EML5: variants seen among roughly 807,000 people sequenced by gnomAD.
EML5 encodes the protein echinoderm microtubule-associated protein-like 5.
EML5 carries 120 observed loss-of-function variants against 250.0 expected under a neutral mutation model. The ratio of observed to expected loss-of-function variants is 0.48; its 90% CI spans 0.41 to 0.56. The LOEUF (loss-of-function observed/expected upper bound fraction) is 0.56. EML5 is among the 20% of genes least tolerant of loss of function. The pLI, the probability that EML5 is intolerant of heterozygous loss-of-function variation, is 0.00. For missense variants in EML5, 2,006 were observed against 2,437.6 expected (o/e 0.82, Z 3.73); for synonymous variants, 771 against 806.5 (o/e 0.96, Z 0.75).
chr14:88,703,184 T>C lies in EML5; in HGVS notation c.2052-552A>G, dbSNP rs117454992. 7.2e-5 allele frequency among the ~76,000 whole-genome samples: 11 copies of C among 152,328 alleles called. 1 individual carries two copies. In the East Asian group the frequency reaches 2.1e-3, roughly 29 times the overall value. ...AATAGTATGTATAGTATACTACCAT[T>C]TACATAAGTATAATATTAAAATTGT... is the stretch of plus-strand genomic sequence containing the variant. On this transcript the variant is annotated intron_variant, in intron 13 of 43. Transcript: ENST00000554922.
chr14:88,730,698 T>C (rs1839045892), intron 7 of EML5, among the ~76,000 whole-genome samples: 1 of 152,236 alleles, frequency 6.6e-6, no homozygotes, highest in South Asian at 2.1e-4. Flanking sequence ...AATTTGCTTT[T>C]ATGAATAGTC....
chr14:88,670,182 G>T (rs2092420579), intron 21 of EML5, among the ~76,000 whole-genome samples: 1 of 151,536 alleles, frequency 6.6e-6, no homozygotes, highest in South Asian at 2.1e-4. Flanking sequence ...TTAGCTGGGT[G>T]TGGTAGCAGG....
At chr14:88,638,508 T>C (rs1230487027) in intron 32 of EML5, among the ~76,000 whole-genome samples, 1 of 152,240 alleles carries the variant, frequency 6.6e-6, no homozygotes, top group Non-Finnish European at 1.5e-5. Context: ...TTATATGCTA[T>C]TGACTTAAAC....
At position 88,625,107 on chromosome 14, in the gene EML5, A is replaced by G; in HGVS notation, c.4761T>C (p.Gly1587=). The G allele has an allele frequency of 6.2e-7, 1 of 1,613,812 alleles. No individual in the cohort carries two copies. Among genetic ancestry groups the G allele is most frequent in the African/African-American group, 1.3e-5 (1 of 75,044 alleles). ...AFGANNLTFT[G]TISGDVCVWK... ...ACACACAGACATCACCACTGATGGT[A>G]CCTGTAAACGTCAAGTTATTCTGAA... Residue 1587 remains glycine (G), a synonymous_variant, in exon 36 of 44, where the codon GGT becomes GGC. Transcript: ENST00000554922.
intron 1 of EML5, among the ~76,000 whole-genome samples, chr14:88,788,896 C>T (rs1264371176): frequency 1.2e-5 from 1 of 85,948 alleles, no homozygotes; most frequent in African/African-American, 8.0e-5. Flanking sequence ...CCCATCTTTA[C>T]CGAAAAAAAA....
chr14:88,747,403 C>T (rs921307390), intron 2 of EML5, among the ~76,000 whole-genome samples: 8 of 151,844 alleles, frequency 5.3e-5, no homozygotes, highest in Non-Finnish European at 1.2e-4. Context: ...CAGAGAGAGA[C>T]TCTGTCTCAA....
intron 25 of EML5, among the ~76,000 whole-genome samples, chr14:88,659,298 G>A (rs984954467): frequency 6.6e-6 from 1 of 150,858 alleles, no homozygotes; most frequent in Non-Finnish European, 1.5e-5. Flanking sequence ...TGTAACCTCC[G>A]CCTCCTGGTT....
At chr14:88,761,901 T>G (rs1294435597) in intron 1 of EML5, among the ~76,000 whole-genome samples, 1 of 152,224 alleles carries the variant, frequency 6.6e-6, no homozygotes, top group Non-Finnish European at 1.5e-5. Context: ...TCGTATGAGA[T>G]GATATCATAC....
chr14:88,663,607 A>G (rs1390463841), intron 23 of EML5, among the ~76,000 whole-genome samples: 1 of 152,224 alleles, frequency 6.6e-6, no homozygotes, highest in African/African-American at 2.4e-5. Flanking sequence ...TCTTTATGTT[A>G]TATGATTATG....
At chr14:88,651,888 T>C (rs2091645977) in intron 27 of EML5, among the ~76,000 whole-genome samples, 4 of 152,174 alleles carry the variant, frequency 2.6e-5, no homozygotes, top group Admixed American at 2.6e-4. Flanking sequence ...ACTATCTAAA[T>C]TCTTGATTTA....
rs1307938761 is a variant in EML5 at position 88,792,854 on chromosome 14, AGCTCCCAGCCCCGGTCACCTGCGGC to A, written c.-376_-352del. On this transcript the variant is annotated 5_prime_UTR_variant, in exon 1 of 44. Transcript: ENST00000554922. This position sits in a 1 kb window ranked among gnomAD's most constrained non-coding sequence, Gnocchi z 6.9. Reference sequence around the variant, plus strand: ...CTCCTCAGCCGCCGCCCGCGCACGCAGCTCCCAGCCCCGGTCACCTGCGGCGCTCGCGCCCCGCCGCGGCTTTGTA... The same window carrying A: ...CTCCTCAGCCGCCGCCCGCGCACGCAGCTCGCGCCCCGCCGCGGCTTTGTA... 6.7e-5 allele frequency: 38 copies of A among 565,882 alleles called. No homozygotes were observed. The highest frequency in any genetic ancestry group is 8.1e-5 in the Non-Finnish European group (36 of 445,754). 35.1% of individuals were successfully genotyped at this position (565,882 alleles called of 1,614,324 possible).
chr14:88,714,546 G>A (rs960327519), intron 9 of EML5, among the ~76,000 whole-genome samples: 3 of 152,144 alleles, frequency 2.0e-5, no homozygotes, highest in East Asian at 1.9e-4. Flanking sequence ...GAACTTAAAT[G>A]TTCTCACCAC....
intron 1 of EML5, among the ~76,000 whole-genome samples, chr14:88,778,851 T>C (rs1439203617): frequency 6.6e-6 from 1 of 152,246 alleles, no homozygotes; most frequent in African/African-American, 2.4e-5. Context: ...ATCAAAGATA[T>C]TTGGGTTTTC....
At chr14:88,755,903 G>A (rs1258155216) in intron 1 of EML5, among the ~76,000 whole-genome samples, 4 of 152,144 alleles carry the variant, frequency 2.6e-5, no homozygotes, top group Non-Finnish European at 4.4e-5. Flanking sequence ...AGGGGCTGAG[G>A]TGAGAAGATC....
intron 2 of EML5, among the ~76,000 whole-genome samples, chr14:88,752,645 G>T (rs1472555910): frequency 6.6e-6 from 1 of 152,140 alleles, no homozygotes; most frequent in African/African-American, 2.4e-5. Flanking sequence ...AGAAGGTGGG[G>T]TCCCTGGCAA....
chr14:88,774,837 C>CTATA (rs940778621), intron 1 of EML5, among the ~76,000 whole-genome samples: 66 of 152,322 alleles, frequency 4.3e-4, no homozygotes, highest in African/African-American at 1.5e-3. Context: ...TATACCAGCT[C>CTATA]AGATTGCTTC....
At chr14:88,771,119 T>G (rs2094388595) in intron 1 of EML5, among the ~76,000 whole-genome samples, 1 of 152,220 alleles carries the variant, frequency 6.6e-6, no homozygotes, top group South Asian at 2.1e-4. Context: ...CAATGTTCCT[T>G]TACATTTATC....
In EML5 at chr14:88,729,880, T is replaced by G. The variant is rs2093728060; in HGVS notation, c.1050-3202A>C. On this transcript the variant is annotated intron_variant, in intron 7 of 43. Transcript: ENST00000554922. ...TCGGTCTTGTTTTTTGTTTTTTTTT[T>G]TTGTTTTTTTAATGTATTGTCTATG... is the stretch of plus-strand genomic sequence containing the variant. 4.0e-5 allele frequency among the ~76,000 whole-genome samples: 6 copies of G among 151,726 alleles called. No homozygotes were observed. In the South Asian group the frequency reaches 1.2e-3, roughly 32 times the overall value.
chr14:88,619,011 A>G (rs904202676), intron 39 of EML5, 199 bp from the exon 40 acceptor site: 3 of 429,782 alleles, frequency 7.0e-6, no homozygotes, highest in Non-Finnish European at 1.2e-5. Context: ...TTTTACTTAA[A>G]TTTTAAATAT....
Sources: gnomAD v4.1 joint callset for allele counts (sites outside exome capture counted in the v4.1 genomes callset) on GRCh38, gnomAD v4.1.1 for gene constraint, Gnocchi (gnomAD v3.1) non-coding constraint, MANE v1.5 for transcripts, NCBI Gene and HGNC (gene_info 2026-07-23, HGNC 2026-07-21) for gene names.